Variants in ERCC6L2 observed in about 807,000 individuals in gnomAD.
ERCC6L2 encodes the protein ERCC excision repair 6 like 2.
A neutral mutation model predicts 132.0 loss-of-function variants in ERCC6L2; 77 were observed. The observed-to-expected ratio is 0.58, with a 90% CI of 0.49 to 0.71. The LOEUF (loss-of-function observed/expected upper bound fraction) is 0.71. Ranked by LOEUF, ERCC6L2 falls within the 30% of genes least tolerant of loss-of-function variation. The pLI, the probability that ERCC6L2 is intolerant of heterozygous loss-of-function variation, is 0.00. For missense variants in ERCC6L2, 1,542 were observed against 1,837.6 expected, an observed-to-expected ratio of 0.84 and a Z score of 2.94; for synonymous variants, 583 against 632.4, an observed-to-expected ratio of 0.92 and a Z score of 1.17.
chr9:95,901,845 C>A (rs1828795670), intron 3 of ERCC6L2, among the ~76,000 whole-genome samples: 2 of 152,054 alleles, frequency 1.3e-5, no homozygotes, highest in South Asian at 4.2e-4. Context: ...CAGTATTTCC[C>A]AGAAGTAAAT....
At position 95,928,066 on chromosome 9, in the gene ERCC6L2, G is replaced by A; in HGVS notation, c.1534-13G>A. 1.2e-6 allele frequency: 2 copies of A among 1,601,208 alleles called. No individual in the cohort carries two copies. Among genetic ancestry groups the A allele is most frequent in the Non-Finnish European group, 1.7e-6 (2 of 1,168,938 alleles). On this transcript the variant is annotated splice_polypyrimidine_tract_variant and intron_variant, in intron 9 of 18. Transcript: ENST00000653738. Reference sequence around the variant, plus strand: ...TGGAACTGGTTCACTGATTTTCTGTGGTTCATTTTCAGGTCCTTCAGCAGC... The same window carrying A: ...TGGAACTGGTTCACTGATTTTCTGTAGTTCATTTTCAGGTCCTTCAGCAGC...
At chr9:95,884,109 G>T (rs951804029) in intron 2 of ERCC6L2, among the ~76,000 whole-genome samples, 3 of 152,094 alleles carry the variant, frequency 2.0e-5, no homozygotes, top group African/African-American at 7.2e-5. Flanking sequence ...TGTAATCATT[G>T]AAGGACTTGG....
At chr9:95,903,191 G>C (rs977103751) in intron 3 of ERCC6L2, among the ~76,000 whole-genome samples, 1 of 152,002 alleles carries the variant, frequency 6.6e-6, no homozygotes, top group Non-Finnish European at 1.5e-5. Flanking sequence ...TGGTTAACCA[G>C]TTATCTTAAT....
intron 12 of ERCC6L2, among the ~76,000 whole-genome samples, chr9:95,953,031 A>G (rs1277621853): frequency 6.6e-6 from 1 of 152,198 alleles, no homozygotes; most frequent in Non-Finnish European, 1.5e-5. Flanking sequence ...CATCAAATTC[A>G]CAAAGACAGA....
At chr9:95,892,005 CTTG>C (rs1318851499) in intron 2 of ERCC6L2, among the ~76,000 whole-genome samples, 1 of 151,792 alleles carries the variant, frequency 6.6e-6, no homozygotes, top group African/African-American at 2.4e-5. Flanking sequence ...TTTTTATTTG[CTTG>C]TTATTTTACT....
chr9:95,969,265 A>G (rs1420926752), intron 14 of ERCC6L2, among the ~76,000 whole-genome samples: 1 of 152,192 alleles, frequency 6.6e-6, no homozygotes, highest in Admixed American at 6.6e-5. Flanking sequence ...CTGAACAGAA[A>G]GATGACATAG....
In ERCC6L2 at chr9:95,933,307, T is replaced by C. The variant is rs990189908; in HGVS notation, c.1751+4443T>C. ...TATCCATTTTTTTAATCCTTTCTAATACTTTCTCCCTATCCCACCTCATTC... is the reference window on the plus strand; with the variant it reads ...TATCCATTTTTTTAATCCTTTCTAACACTTTCTCCCTATCCCACCTCATTC... On this transcript the variant is annotated intron_variant, in intron 11 of 18. Transcript: ENST00000653738. 2.0e-5 allele frequency among the ~76,000 whole-genome samples: 3 copies of C among 152,218 alleles called. No homozygotes were observed. The East Asian group carries it at 5.8e-4, about 29-fold the overall frequency.
At chr9:96,023,827 T>C (rs1834327308) in intron 19 of ERCC6L2, among the ~76,000 whole-genome samples, 1 of 152,176 alleles carries the variant, frequency 6.6e-6, no homozygotes, top group African/African-American at 2.4e-5. Context: ...TGGATAAGAC[T>C]TGAAACAATT....
Position 95,881,360 on chromosome 9 carries a change from CTT to C in ERCC6L2, c.471+69_471+70del. ...ACATGAGTGGATACTATATGTAAAT[CTT>C]TATTTGTACTGCTGTTACGATAGCT... On this transcript the variant is annotated intron_variant, in intron 2 of 18. Transcript: ENST00000653738. The C allele has an allele frequency of 5.6e-6, 7 of 1,246,522 alleles. No homozygotes were observed. In the South Asian group the frequency reaches 1.4e-4, roughly 24 times the overall value. The allele number at this position is 1,246,522 out of a possible 1,614,324, so 77.2% of individuals were successfully genotyped here.
intron 17 of ERCC6L2, among the ~76,000 whole-genome samples, chr9:95,987,734 C>T (rs1165020002): frequency 6.6e-6 from 1 of 152,192 alleles, no homozygotes; most frequent in African/African-American, 2.4e-5. Context: ...TCTTCTCACA[C>T]CTCCACTAGG....
chr9:95,929,850 T>C (rs1830261138), intron 11 of ERCC6L2, among the ~76,000 whole-genome samples: 1 of 152,180 alleles, frequency 6.6e-6, no homozygotes, highest in African/African-American at 2.4e-5. Context: ...ATAGATGCAC[T>C]AAACAATGGT....
At chr9:95,953,767 AAT>A (rs1831461955) in intron 12 of ERCC6L2, among the ~76,000 whole-genome samples, 1 of 152,122 alleles carries the variant, frequency 6.6e-6, no homozygotes, top group African/African-American at 2.4e-5. Context: ...ATAAGAACAT[AAT>A]ATAAATTGTA....
chr9:95,945,967 T>C (rs1171715355), intron 12 of ERCC6L2, among the ~76,000 whole-genome samples: 2 of 151,904 alleles, frequency 1.3e-5, no homozygotes, highest in Admixed American at 6.6e-5. Context: ...TTATGAAACA[T>C]ATATGTAAAT....
At chr9:95,948,636 A>G (rs1006968417) in intron 12 of ERCC6L2, among the ~76,000 whole-genome samples, 2 of 152,038 alleles carry the variant, frequency 1.3e-5, no homozygotes, top group African/African-American at 2.4e-5. Flanking sequence ...CCCAGAAATG[A>G]CCTGAGAAGA....
At position 96,013,586 on chromosome 9, in the gene ERCC6L2, A is replaced by G. The variant is rs1834108739; in HGVS notation, c.*383A>G. ...CAGCATGAGTGTCCTTCCAGTTTAA[A>G]AAAGCTTTGCTTCGCTCTCCTAATG... On this transcript the variant is annotated 3_prime_UTR_variant, in exon 19 of 19. Coordinates refer to ENST00000653738, the MANE Select transcript of ERCC6L2 (RefSeq NM_020207.7). 6.2e-6 allele frequency: 1 copy of G among 160,904 alleles called. No homozygotes were observed. The highest frequency in any genetic ancestry group is 1.4e-5 in the Non-Finnish European group (1 of 73,152). 10.0% of individuals were successfully genotyped at this position (160,904 alleles called of 1,614,324 possible).
chr9:96,003,158 C>T (rs978942939), intron 17 of ERCC6L2, among the ~76,000 whole-genome samples: 6 of 152,054 alleles, frequency 3.9e-5, no homozygotes, highest in Non-Finnish European at 7.4e-5. Flanking sequence ...GGTAATTCCT[C>T]GGATTTCAGT....
intron 9 of ERCC6L2, among the ~76,000 whole-genome samples, chr9:95,925,064 G>C (rs1217962174): frequency 6.6e-6 from 1 of 152,160 alleles, no homozygotes; most frequent in East Asian, 1.9e-4. Context: ...TTTACCTTTT[G>C]AATTCAGGTG....
At chr9:95,886,277 A>G (rs1420279634) in intron 2 of ERCC6L2, among the ~76,000 whole-genome samples, 1 of 152,114 alleles carries the variant, frequency 6.6e-6, no homozygotes, top group Non-Finnish European at 1.5e-5. Flanking sequence ...TTGACCTCTC[A>G]AAGTGCTGGG....
At chr9:95,909,856 A>G (rs1226266930) in intron 4 of ERCC6L2, among the ~76,000 whole-genome samples, 2 of 152,206 alleles carry the variant, frequency 1.3e-5, no homozygotes, top group Non-Finnish European at 2.9e-5. Context: ...CTTTAGAAGA[A>G]ACTCCCAAAC....
Sources: gnomAD v4.1 joint callset for allele counts (sites outside exome capture counted in the v4.1 genomes callset) on GRCh38, gnomAD v4.1.1 for gene constraint, MANE v1.5 for transcripts, NCBI Gene and HGNC (gene_info 2026-07-23, HGNC 2026-07-21) for gene names.